Variants in KCNB2 observed in about 807,000 individuals in gnomAD.
KCNB2 encodes the protein potassium voltage-gated channel subfamily B member 2, also known as delayed rectifier potassium channel protein.
A neutral mutation model predicts 61.5 loss-of-function variants in KCNB2; 15 were observed. The observed-to-expected ratio is 0.24, with a 90% confidence interval of 0.16 to 0.38. The LOEUF (loss-of-function observed/expected upper bound fraction) is 0.38, where lower values mean the gene tolerates loss of function less well. Among genes scored for constraint, KCNB2 ranks in the 10% least tolerant of loss-of-function variants. KCNB2 has a pLI of 1.00. For synonymous variants in KCNB2, 457 were observed against 446.0 expected, an observed-to-expected ratio of 1.02 and a Z score of -0.31; for missense variants, 828 against 1,125.2, an observed-to-expected ratio of 0.74 and a Z score of 3.78.
At chr8:72,814,568 T>C (rs2439330) in intron 2 of KCNB2, among the ~76,000 whole-genome samples, 50,804 of 152,044 alleles carry the variant, frequency 0.33, 8,990 homozygotes, top group African/African-American at 0.45. Context: ...TAGTGCTTTG[T>C]AAAACTTTGG....
intron 2 of KCNB2, among the ~76,000 whole-genome samples, chr8:72,800,392 CT>C: frequency 6.6e-6 from 1 of 152,262 alleles, no homozygotes; most frequent in South Asian, 2.1e-4. Context: ...ACACCTGACT[CT>C]TGACTATAGA....
At chr8:72,903,295 G>T (rs1488484073) in intron 2 of KCNB2, among the ~76,000 whole-genome samples, 2 of 152,158 alleles carry the variant, frequency 1.3e-5, no homozygotes, top group African/African-American at 4.8e-5. Context: ...GGTCTTTACT[G>T]TGGGTGTTTG....
chr8:72,763,750 T>C (rs1432843594), intron 2 of KCNB2, among the ~76,000 whole-genome samples: 2 of 152,202 alleles, frequency 1.3e-5, no homozygotes, highest in Non-Finnish European at 2.9e-5. Context: ...TGGCACAGTT[T>C]AGGTGCTCAA....
intron 2 of KCNB2, among the ~76,000 whole-genome samples, chr8:72,691,174 C>T (rs1221577909): frequency 1.3e-5 from 2 of 152,204 alleles, no homozygotes; most frequent in Non-Finnish European, 2.9e-5. Flanking sequence ...CTGTCATTTT[C>T]TATAATACTC....
intron 2 of KCNB2, among the ~76,000 whole-genome samples, chr8:72,928,028 G>C (rs950474491): frequency 6.6e-6 from 1 of 152,076 alleles, no homozygotes. Flanking sequence ...AAAAAGAAGA[G>C]TGTTATAGAA....
Position 72,937,678 on chromosome 8 carries a change from G to A in KCNB2, c.2323G>A (p.Ala775Thr), listed in dbSNP as rs767224204. The A allele has an allele frequency of 6.2e-7, 1 of 1,614,010 alleles. No individual in the cohort carries two copies. The highest frequency in any genetic ancestry group is 2.2e-5 in the East Asian group (1 of 44,836). ...DRPLLGTEVS[A>T]PCQGPSKGLS... ...ACCCTTGCTGGGCACTGAGGTTTCA[G>A]CGCCTTGTCAGGGACCTTCCAAAGG... Residue 775 changes from alanine (A) to threonine (T), a missense_variant, in exon 3 of 3, where the codon GCG becomes ACG. Ala to Thr is a moderately conservative substitution (Grantham distance 58). Transcript: ENST00000523207.
intron 2 of KCNB2, among the ~76,000 whole-genome samples, chr8:72,787,325 A>C (rs902474951): frequency 1.6e-4 from 24 of 151,974 alleles, no homozygotes; most frequent in African/African-American, 5.8e-4. Context: ...TGAGCCCAGG[A>C]GTTTGAAGCT....
chr8:72,738,724 G>A (rs903435517), intron 2 of KCNB2, among the ~76,000 whole-genome samples: 2 of 152,150 alleles, frequency 1.3e-5, no homozygotes, highest in African/African-American at 4.8e-5. Context: ...TGGTTGCTGA[G>A]ACTTGGTGGT....
intron 2 of KCNB2, among the ~76,000 whole-genome samples, chr8:72,778,701 C>T (rs188244102): frequency 4.5e-5 from 5 of 112,176 alleles, no homozygotes; most frequent in African/African-American, 1.8e-4. Flanking sequence ...CACCACTGCA[C>T]CACTGCATTC....
chr8:72,599,534 C>T (rs1018350817), intron 2 of KCNB2, among the ~76,000 whole-genome samples: 2 of 152,142 alleles, frequency 1.3e-5, no homozygotes, highest in Non-Finnish European at 2.9e-5. Context: ...AGGACATAGG[C>T]ATGGGCAAGG....
intron 2 of KCNB2, among the ~76,000 whole-genome samples, chr8:72,700,183 C>A (rs150876344): frequency 6.6e-6 from 1 of 151,864 alleles, no homozygotes; most frequent in Non-Finnish European, 1.5e-5. Flanking sequence ...CATCACACAC[C>A]AGGTTCTGTT....
intron 2 of KCNB2, among the ~76,000 whole-genome samples, chr8:72,839,665 T>G (rs1287776716): frequency 1.6e-5 from 2 of 127,784 alleles, no homozygotes; most frequent in African/African-American, 6.0e-5. Flanking sequence ...CAGGCTGGAG[T>G]GCAGTGGCGC....
At chr8:72,580,225 T>G (rs369306617) in intron 2 of KCNB2, among the ~76,000 whole-genome samples, 7 of 152,310 alleles carry the variant, frequency 4.6e-5, no homozygotes, top group African/African-American at 1.4e-4. Context: ...GCAGGTGAAT[T>G]TAGCCCACAG....
At position 72,565,097 on chromosome 8, in the gene KCNB2, T is replaced by C. The variant is rs1057073692; in HGVS notation, c.-93-2545T>C. Among the ~76,000 whole-genome samples, 8 of 151,882 alleles carry C rather than the reference T, an allele frequency of 5.3e-5. No homozygotes were observed. The East Asian group carries it at 1.4e-3, about 26-fold the overall frequency. ...TCAATCATTATAGAGCTTCTTATTT[T>C]TGTAAAGATAAGCATTTTTGTCATG... On this transcript the variant is annotated intron_variant, in intron 1 of 2. Coordinates refer to ENST00000523207, the MANE Select transcript of KCNB2 (RefSeq NM_004770.3).
chr8:72,889,459 G>A (rs1206590847), intron 2 of KCNB2, among the ~76,000 whole-genome samples: 9 of 152,090 alleles, frequency 5.9e-5, no homozygotes, highest in African/African-American at 1.4e-4. Flanking sequence ...AGGCTTAGGC[G>A]GGAGGACTGC....
At chr8:72,632,785 T>G (rs1805900602) in intron 2 of KCNB2, among the ~76,000 whole-genome samples, 1 of 152,196 alleles carries the variant, frequency 6.6e-6, no homozygotes, top group East Asian at 1.9e-4. Flanking sequence ...ATCAAAGGTG[T>G]GTGTGTGGTC....
intron 2 of KCNB2, among the ~76,000 whole-genome samples, chr8:72,873,602 C>T (rs921447893): frequency 6.6e-6 from 1 of 152,172 alleles, no homozygotes; most frequent in Non-Finnish European, 1.5e-5. Flanking sequence ...CCAAGCTGAC[C>T]AACAGGTGAA....
At chr8:72,637,186 A>T (rs1392393847) in intron 2 of KCNB2, among the ~76,000 whole-genome samples, 1 of 152,158 alleles carries the variant, frequency 6.6e-6, no homozygotes, top group Non-Finnish European at 1.5e-5. Flanking sequence ...ACCAAACTAT[A>T]TGAGGATGCG....
At chr8:72,623,743 T>A (rs1420381481) in intron 2 of KCNB2, among the ~76,000 whole-genome samples, 1 of 152,168 alleles carries the variant, frequency 6.6e-6, no homozygotes, top group African/African-American at 2.4e-5. Flanking sequence ...GTTAATTAAT[T>A]CTCATGACAA....
Sources: allele counts gnomAD v4.1 joint callset (sites outside exome capture counted in the v4.1 genomes callset), GRCh38; gene constraint gnomAD v4.1.1; transcripts MANE v1.5; gene names NCBI Gene and HGNC (gene_info 2026-07-23, HGNC 2026-07-21).